Variants in HDX observed in about 807,000 individuals in gnomAD.
The protein encoded by HDX is chromosome X open reading frame 43.
HDX carries 19 observed loss-of-function variants against 45.2 expected under a neutral mutation model. That is an observed-to-expected ratio of 0.42 (90% CI 0.29 to 0.62). The LOEUF is 0.62. HDX is among the 20% of genes least tolerant of loss of function. HDX has a pLI of 0.20. For missense variants in HDX, 532 were observed against 493.9 expected, an observed-to-expected ratio of 1.08 and a Z score of -0.73; for synonymous variants, 188 against 172.8, an observed-to-expected ratio of 1.09 and a Z score of -0.69.
intron 5 of HDX, among the ~76,000 whole-genome samples, chrX:84,433,825 A>C (rs1485001353): frequency 1.8e-5 from 2 of 111,337 alleles, no homozygotes; most frequent in African/African-American, 6.5e-5. Flanking sequence ...TGAGCTTGGA[A>C]TGTGTTTCTA....
chrX:84,414,910 AT>A (rs1267857193), intron 5 of HDX, among the ~76,000 whole-genome samples: 3 of 112,249 alleles, frequency 2.7e-5, no homozygotes, highest in Non-Finnish European at 5.6e-5. Context: ...TGCTAGTATT[AT>A]TTTTATTACT....
intron 1 of HDX, among the ~76,000 whole-genome samples, chrX:84,499,321 C>G (rs1490261146): frequency 9.0e-6 from 1 of 111,406 alleles, no homozygotes; most frequent in East Asian, 2.8e-4. Context: ...AATTGTAAAA[C>G]AAGCCTTAAA....
chrX:84,384,208 TTTG>T (rs1451175252), intron 5 of HDX, among the ~76,000 whole-genome samples: 2 of 111,735 alleles, frequency 1.8e-5, no homozygotes, highest in African/African-American at 6.5e-5. Context: ...CTTGCCAGTA[TTTG>T]TTATTTTTGA....
intron 6 of HDX, among the ~76,000 whole-genome samples, chrX:84,351,029 ATCTATCTATCTATCT>A (rs1358150999): frequency 9.1e-6 from 1 of 109,509 alleles, no homozygotes; most frequent in Non-Finnish European, 1.9e-5. Context: ...CTATCTATCT[ATCTATCTATCTATCT>A]ATCTATCTAT....
chrX:84,495,158 T>C (rs775715295), intron 1 of HDX, among the ~76,000 whole-genome samples: 13 of 109,861 alleles, frequency 1.2e-4, no homozygotes, highest in African/African-American at 4.3e-4. Flanking sequence ...GTCAAATTCA[T>C]AGAAGCAGAG....
intron 10 of HDX, 52 bp from the exon 11 acceptor site, chrX:84,322,066 C>T: frequency 1.2e-6 from 1 of 801,146 alleles, no homozygotes. Flanking sequence ...GATTGTTTTC[C>T]AATTTATATT....
rs192479218 is a variant in HDX at position 84,453,859 on chromosome X, T to G, written c.1252-13274A>C. ...AGAAGAGAGAAGAGTAAAGAAGACT[T>G]TGTCTTGCAACTTTGATAACAGCTC... On this transcript the variant is annotated intron_variant, in intron 4 of 10. Coordinates refer to ENST00000373177, the MANE Select transcript of HDX (RefSeq NM_001177479.2). 4.9e-3 allele frequency among the ~76,000 whole-genome samples: 547 copies of G among 111,883 alleles called. 3 individuals carry two copies. The highest frequency in any genetic ancestry group is 0.017 in the African/African-American group (519 of 30,810).
At chrX:84,331,865 T>C (rs775994304) in intron 9 of HDX, among the ~76,000 whole-genome samples, 8 of 111,776 alleles carry the variant, frequency 7.2e-5, no homozygotes, top group Non-Finnish European at 1.5e-4. Flanking sequence ...AGGTATGTAG[T>C]AGGCTATATA....
chrX:84,407,042 T>G (rs1260608490), intron 5 of HDX, among the ~76,000 whole-genome samples: 1 of 111,754 alleles, frequency 8.9e-6, no homozygotes. Context: ...GCTAGAGAAT[T>G]AACCACATTA....
At chrX:84,441,456 T>G (rs1182806226) in intron 4 of HDX, among the ~76,000 whole-genome samples, 3 of 111,959 alleles carry the variant, frequency 2.7e-5, no homozygotes, top group Non-Finnish European at 5.7e-5. Flanking sequence ...TCAATAGAAG[T>G]CTATTCACTA....
intron 4 of HDX, among the ~76,000 whole-genome samples, chrX:84,442,951 G>A (rs1022275391): frequency 9.0e-6 from 1 of 111,477 alleles, no homozygotes; most frequent in African/African-American, 3.2e-5. Flanking sequence ...CTATACATTT[G>A]AGAAATATAA....
chrX:84,356,645 T>G (rs1366848783), intron 6 of HDX, among the ~76,000 whole-genome samples: 2 of 73,435 alleles, frequency 2.7e-5, no homozygotes, highest in Admixed American at 4.0e-4. Context: ...TTTTTTGAGA[T>G]GGAGTCTTGC....
Position 84,472,853 on chromosome X carries a change from A to T in HDX, c.147+2398T>A, listed in dbSNP as rs192355742. On this transcript the variant is annotated intron_variant, in intron 3 of 10. Transcript: ENST00000373177. The stretch of plus-strand genomic sequence containing the variant: ...AACACATTGCCTGAGGCTTCCCAAA[A>T]GCTGAATTAAATTTTACTAAAATTT... Among the ~76,000 whole-genome samples the T allele has an allele frequency of 5.4e-5, 6 of 110,450 alleles. No homozygotes were observed. The Admixed American group carries it at 5.8e-4, about 11-fold the overall frequency.
chrX:84,323,550 G>A (rs2036643451), intron 10 of HDX, among the ~76,000 whole-genome samples: 1 of 111,559 alleles, frequency 9.0e-6, no homozygotes, highest in Admixed American at 9.5e-5. Flanking sequence ...CTAGTGGGGA[G>A]ATTACAAATC....
At chrX:84,355,668 T>A (rs1203620477) in intron 6 of HDX, among the ~76,000 whole-genome samples, 2 of 108,657 alleles carry the variant, frequency 1.8e-5, no homozygotes, top group Admixed American at 1.0e-4. Flanking sequence ...ATGAGAAGAC[T>A]TGGACACAGG....
intron 2 of HDX, among the ~76,000 whole-genome samples, chrX:84,478,625 A>G (rs149975137): frequency 0.01 from 1,166 of 112,041 alleles, 23 homozygotes; most frequent in African/African-American, 0.037. Flanking sequence ...AGGCTGAGGT[A>G]GGAGGATTTT....
At chrX:84,495,870 C>G (rs984783543) in intron 1 of HDX, among the ~76,000 whole-genome samples, 7 of 111,405 alleles carry the variant, frequency 6.3e-5, no homozygotes, top group African/African-American at 2.3e-4. Flanking sequence ...AAGACCCATT[C>G]AGACTTGTGC....
At chrX:84,387,668 G>A (rs766620648) in intron 5 of HDX, among the ~76,000 whole-genome samples, 1 of 110,876 alleles carries the variant, frequency 9.0e-6, no homozygotes, top group East Asian at 2.8e-4. Flanking sequence ...TGTTTTCATG[G>A]CATATCTTTA....
rs2036540404 is a variant in HDX at position 84,318,495 on chromosome X, A to G, written c.*3394T>C. The G allele has an allele frequency of 9.0e-6, 1 of 111,288 alleles. No homozygotes were observed. The highest frequency in any genetic ancestry group is 1.9e-5 in the Non-Finnish European group (1 of 52,624). 9.2% of individuals were successfully genotyped at this position (111,288 alleles called of 1,213,427 possible). On this transcript the variant is annotated 3_prime_UTR_variant, in exon 11 of 11. Transcript: ENST00000373177. The stretch of plus-strand genomic sequence containing the variant: ...GTTAAAGTTTTCAGAATGTCTTTTA[A>G]AAAGGATCACAAAATAGTTGTCTGA...
Sources: allele counts gnomAD v4.1 joint callset (sites outside exome capture counted in the v4.1 genomes callset), GRCh38; gene constraint gnomAD v4.1.1; transcripts MANE v1.5; gene names NCBI Gene and HGNC (gene_info 2026-07-23, HGNC 2026-07-21).